Variants in GLRA2 observed in about 807,000 individuals in gnomAD.
GLRA2 encodes the protein glycine receptor alpha 2, also known as glycine receptor subunit alpha-2.
Under a neutral mutation model 31.6 loss-of-function variants are expected in GLRA2, and 11 were observed. The ratio of observed to expected loss-of-function variants is 0.35; its 90% CI spans 0.22 to 0.58. The LOEUF (loss-of-function observed/expected upper bound fraction) is 0.58, where lower values mean the gene tolerates loss of function less well. Ranked by LOEUF, GLRA2 falls within the 20% of genes least tolerant of loss-of-function variation. The probability of loss-of-function intolerance (pLI) is 0.84; values close to 1 mark genes in which losing one functional copy is unlikely to be tolerated. For synonymous variants in GLRA2, 132 were observed against 134.0 expected, an observed-to-expected ratio of 0.99 and a Z score of 0.10; for missense variants, 212 against 351.8, an observed-to-expected ratio of 0.60 and a Z score of 3.18.
intron 2 of GLRA2, among the ~76,000 whole-genome samples, chrX:14,551,276 C>T (rs1323308899): frequency 8.9e-6 from 1 of 111,885 alleles, no homozygotes; most frequent in African/African-American, 3.3e-5. Flanking sequence ...TTCTTAATTA[C>T]AGCCATGCTA....
the GLRA2 span, among the ~76,000 whole-genome samples, chrX:14,471,227 A>G: frequency 1.8e-5 from 2 of 112,083 alleles, no homozygotes; most frequent in African/African-American, 6.5e-5. Flanking sequence ...AATCATGTGC[A>G]AAACAGTAAA....
chrX:14,584,319 T>C (rs2090057632), intron 4 of GLRA2, among the ~76,000 whole-genome samples: 1 of 111,992 alleles, frequency 8.9e-6, no homozygotes, highest in Admixed American at 9.4e-5. Flanking sequence ...GACAATGTAC[T>C]GTATATGAGA....
At position 14,698,986 on chromosome X, in the gene GLRA2, C is replaced by G. The variant is rs151309185; in HGVS notation, c.1080+8127C>G. Among the ~76,000 whole-genome samples, 285 of 111,484 alleles carry G rather than the reference C, an allele frequency of 2.6e-3. 1 individual carries two copies. The highest frequency in any genetic ancestry group is 8.3e-3 in the African/African-American group (254 of 30,684). On this transcript the variant is annotated intron_variant, in intron 8 of 8. Transcript: ENST00000218075. Reference sequence around the variant, plus strand: ...CAAGGAGTGGCCGGGCAATGTGCAACTAGGTGTATTTGCTTTGATTATCTT... The same window carrying G: ...CAAGGAGTGGCCGGGCAATGTGCAAGTAGGTGTATTTGCTTTGATTATCTT...
chrX:14,725,308 T>C (rs1016562727), intron 8 of GLRA2, among the ~76,000 whole-genome samples: 6 of 112,007 alleles, frequency 5.4e-5, no homozygotes, highest in African/African-American at 1.6e-4. Context: ...TCCTCTTATA[T>C]CCAGGTCTGT....
intron 8 of GLRA2, among the ~76,000 whole-genome samples, chrX:14,694,251 G>T (rs2091407342): frequency 9.0e-6 from 1 of 111,279 alleles, no homozygotes; most frequent in Admixed American, 9.6e-5. Context: ...GCTCTCAAAG[G>T]GAGAGAGGGT....
At chrX:14,586,204 G>A (rs949798763) in intron 4 of GLRA2, among the ~76,000 whole-genome samples, 1 of 111,531 alleles carries the variant, frequency 9.0e-6, no homozygotes, top group Admixed American at 9.6e-5. Context: ...CTCCGTAAGT[G>A]TCATCCTTAT....
chrX:14,550,643 C>T (rs2089548140), intron 2 of GLRA2, among the ~76,000 whole-genome samples: 1 of 111,181 alleles, frequency 9.0e-6, no homozygotes, highest in South Asian at 3.9e-4. Flanking sequence ...TACCTGCCAT[C>T]TTTGCCGCCA....
At chrX:14,473,998 A>T in the GLRA2 span, among the ~76,000 whole-genome samples, 1 of 111,545 alleles carries the variant, frequency 9.0e-6, no homozygotes, top group South Asian at 3.8e-4. Flanking sequence ...ATCCAGATTG[A>T]TAATGAGATT....
chrX:14,610,574 C>T (rs1028035363), intron 7 of GLRA2, among the ~76,000 whole-genome samples: 1 of 111,489 alleles, frequency 9.0e-6, no homozygotes, highest in Non-Finnish European at 1.9e-5. Context: ...ACTTTTAATC[C>T]ACTCTGTGCC....
At chrX:14,578,398 A>G (rs974099196) in intron 3 of GLRA2, among the ~76,000 whole-genome samples, 13 of 112,092 alleles carry the variant, frequency 1.2e-4, no homozygotes, top group Non-Finnish European at 1.9e-4. Context: ...AGGACAACAC[A>G]TTTGTGTTAC....
the GLRA2 span, among the ~76,000 whole-genome samples, chrX:14,490,722 T>C: frequency 9.0e-6 from 1 of 111,698 alleles, no homozygotes; most frequent in African/African-American, 3.3e-5. Flanking sequence ...TCGGTGGTAG[T>C]GGCTTCTTGT....
the GLRA2 span, among the ~76,000 whole-genome samples, chrX:14,507,718 CAG>C: frequency 7.3e-5 from 2 of 27,478 alleles, no homozygotes; most frequent in Non-Finnish European, 1.5e-4. Flanking sequence ...TTTTTGGAGA[CAG>C]AGTCTCACTC....
At chrX:14,463,032 T>C in the GLRA2 span, among the ~76,000 whole-genome samples, 85 of 111,828 alleles carry the variant, frequency 7.6e-4, no homozygotes, top group African/African-American at 2.6e-3. Flanking sequence ...GGGGTTTTGG[T>C]GTGGATGTCC....
intron 7 of GLRA2, among the ~76,000 whole-genome samples, chrX:14,619,008 CTG>C (rs1397424134): frequency 9.0e-6 from 1 of 111,462 alleles, no homozygotes; most frequent in African/African-American, 3.3e-5. Context: ...CTAATAATCT[CTG>C]TGTTTTAAGG....
chrX:14,649,523 G>A (rs2090867376), intron 7 of GLRA2, among the ~76,000 whole-genome samples: 1 of 111,534 alleles, frequency 9.0e-6, no homozygotes, highest in Admixed American at 9.5e-5. Flanking sequence ...AGTAGATAAT[G>A]GCTTTATGTT....
chrX:14,478,587 C>G, the GLRA2 span, among the ~76,000 whole-genome samples: 1 of 111,917 alleles, frequency 8.9e-6, no homozygotes, highest in African/African-American at 3.2e-5. Flanking sequence ...AATTGAGAAC[C>G]TGCTATATGC....
the GLRA2 span, among the ~76,000 whole-genome samples, chrX:14,482,796 AT>A: frequency 9.0e-6 from 1 of 110,628 alleles, no homozygotes; most frequent in South Asian, 3.9e-4. Context: ...ATCATAGGGT[AT>A]TTTTTATGTG....
chrX:14,685,870 G>A (rs2091271381), intron 7 of GLRA2, among the ~76,000 whole-genome samples: 1 of 111,499 alleles, frequency 9.0e-6, no homozygotes, highest in African/African-American at 3.3e-5. Flanking sequence ...GAATGTGTTT[G>A]CTCTTGCTTC....
chrX:14,628,746 CTG>C (rs1260617435), intron 7 of GLRA2, among the ~76,000 whole-genome samples: 2 of 111,775 alleles, frequency 1.8e-5, no homozygotes, highest in African/African-American at 6.5e-5. Flanking sequence ...GAAAGAAAGA[CTG>C]TGTGGCTGGA....
Sources: allele counts gnomAD v4.1 joint callset (sites outside exome capture counted in the v4.1 genomes callset), GRCh38; gene constraint gnomAD v4.1.1; transcripts MANE v1.5; gene names NCBI Gene and HGNC (gene_info 2026-07-23, HGNC 2026-07-21).